The following PLCB1 variants were observed in gnomAD, a reference collection of about 807,000 sequenced individuals.
PLCB1 encodes phospholipase C beta 1.
Under a neutral mutation model 161.8 loss-of-function variants are expected in PLCB1, and 46 were observed. That is an observed-to-expected ratio of 0.28 (90% CI 0.22 to 0.36). PLCB1 has a LOEUF of 0.36. PLCB1 is among the 10% of genes least tolerant of loss of function. The probability of loss-of-function intolerance (pLI) is 1.00; values close to 1 mark genes in which losing one functional copy is unlikely to be tolerated. For missense variants in PLCB1, 1,016 were observed against 1,472.5 expected (o/e 0.69, Z 5.07); for synonymous variants, 517 against 503.7 (o/e 1.03, Z -0.35).
chr20:8,672,523 G>A (rs907414771), intron 9 of PLCB1, among the ~76,000 whole-genome samples: 1 of 151,768 alleles, frequency 6.6e-6, no homozygotes, highest in East Asian at 1.9e-4. Context: ...TAGCTCAGGA[G>A]CAGTTCCATG....
At chr20:8,594,715 G>T (rs1258993763) in intron 3 of PLCB1, among the ~76,000 whole-genome samples, 1 of 150,106 alleles carries the variant, frequency 6.7e-6, no homozygotes, top group African/African-American at 2.4e-5. Flanking sequence ...TTAAGACAAT[G>T]ACATCAATAT....
At chr20:8,583,074 A>G (rs1195075308) in intron 3 of PLCB1, among the ~76,000 whole-genome samples, 1 of 152,174 alleles carries the variant, frequency 6.6e-6, no homozygotes, top group East Asian at 1.9e-4. Flanking sequence ...TGAAGATATT[A>G]TGCTAAGTAA....
chr20:8,604,747 A>G (rs1987706045), intron 3 of PLCB1, among the ~76,000 whole-genome samples: 1 of 152,206 alleles, frequency 6.6e-6, no homozygotes, highest in African/African-American at 2.4e-5. Context: ...GGGCAATTCA[A>G]GAGGTCTATT....
At chr20:8,503,027 A>T (rs929158475) in intron 3 of PLCB1, among the ~76,000 whole-genome samples, 6 of 152,154 alleles carry the variant, frequency 3.9e-5, no homozygotes, top group African/African-American at 1.4e-4. Flanking sequence ...CTGACCAGCT[A>T]TGTGCAGGGA....
At chr20:8,530,276 G>A (rs974822092) in intron 3 of PLCB1, among the ~76,000 whole-genome samples, 1 of 151,930 alleles carries the variant, frequency 6.6e-6, no homozygotes, top group African/African-American at 2.4e-5. Context: ...ATTTTTAAAT[G>A]CCTAAATTGG....
In PLCB1 at chr20:8,800,358, T is replaced by C. The variant is rs1984226060; in HGVS notation, c.3423+10097T>C. Among the ~76,000 whole-genome samples, 3 of 152,242 alleles carry C rather than the reference T, an allele frequency of 2.0e-5. No individual in the cohort carries two copies. In the South Asian group the frequency reaches 6.2e-4, roughly 32 times the overall value. On this transcript the variant is annotated intron_variant, in intron 31 of 31. Coordinates refer to ENST00000338037, the MANE Select transcript of PLCB1 (RefSeq NM_015192.4). ...AGACACAAGTGTTCTGTGTTTATTA[T>C]AATCATTAGTTGAGGTTAATCTTTG...
chr20:8,456,771 G>A (rs1332786991), intron 3 of PLCB1, among the ~76,000 whole-genome samples: 1 of 152,148 alleles, frequency 6.6e-6, no homozygotes, highest in African/African-American at 2.4e-5. Context: ...TTGGTGTCTG[G>A]TGAGAGCCCA....
At chr20:8,858,825 G>C (rs1987152699) in intron 31 of PLCB1, among the ~76,000 whole-genome samples, 1 of 151,494 alleles carries the variant, frequency 6.6e-6, no homozygotes, top group South Asian at 2.1e-4. Context: ...GTTTTAAAAA[G>C]GGGTTCAGTA....
At chr20:8,582,490 A>G (rs1336187887) in intron 3 of PLCB1, among the ~76,000 whole-genome samples, 1 of 152,128 alleles carries the variant, frequency 6.6e-6, no homozygotes, top group Non-Finnish European at 1.5e-5. Context: ...AGCTGTAACT[A>G]CGTCCTTGCC....
chr20:8,328,172 T>C (rs1985229736), intron 2 of PLCB1, among the ~76,000 whole-genome samples: 1 of 152,092 alleles, frequency 6.6e-6, no homozygotes, highest in Non-Finnish European at 1.5e-5. Context: ...ACTCAAAAAG[T>C]TTAGGATTTT....
At chr20:8,852,949 T>G (rs1359916085) in intron 31 of PLCB1, among the ~76,000 whole-genome samples, 1 of 152,162 alleles carries the variant, frequency 6.6e-6, no homozygotes, top group Non-Finnish European at 1.5e-5. Flanking sequence ...CAGTTTACAG[T>G]GTGGCAGCCC....
intron 2 of PLCB1, among the ~76,000 whole-genome samples, chr20:8,211,432 A>G (rs967236997): frequency 6.6e-6 from 1 of 152,076 alleles, no homozygotes; most frequent in Non-Finnish European, 1.5e-5. Context: ...GCATAACACC[A>G]TTTTAGACCA....
chr20:8,823,622 G>A (rs1257119248), intron 31 of PLCB1, among the ~76,000 whole-genome samples: 2 of 152,168 alleles, frequency 1.3e-5, no homozygotes, highest in Admixed American at 1.3e-4. Flanking sequence ...TGACATACCT[G>A]TGGCCATTTT....
chr20:8,682,328 C>T (rs1329417157), intron 9 of PLCB1, among the ~76,000 whole-genome samples: 1 of 152,024 alleles, frequency 6.6e-6, no homozygotes, highest in Admixed American at 6.6e-5. Flanking sequence ...TAGGAAGACC[C>T]CTGTCTCTAC....
In PLCB1 at chr20:8,716,561, G is replaced by T. The variant is rs369769928; in HGVS notation, c.1335+213G>T. On this transcript the variant is annotated intron_variant, in intron 13 of 31. Coordinates refer to ENST00000338037, the MANE Select transcript of PLCB1 (RefSeq NM_015192.4). ...TCCTCTTCCCACACTCTTCTCTCTC[G>T]CTGGCTGCCTGATGAAACTCAATCA... Among the ~76,000 whole-genome samples, 183 of 152,242 alleles carry T rather than the reference G, an allele frequency of 1.2e-3. 1 individual carries two copies. In the Middle Eastern group the frequency reaches 0.041, roughly 34 times the overall value.
intron 7 of PLCB1, among the ~76,000 whole-genome samples, chr20:8,655,807 T>C (rs1265746287): frequency 1.3e-5 from 2 of 152,064 alleles, no homozygotes; most frequent in African/African-American, 4.8e-5. Context: ...AATATTTCTC[T>C]TCCTTGTGTC....
At chr20:8,824,423 T>C (rs547322187) in intron 31 of PLCB1, among the ~76,000 whole-genome samples, 12 of 152,210 alleles carry the variant, frequency 7.9e-5, no homozygotes, top group Admixed American at 2.0e-4. Flanking sequence ...TTTATTTTCA[T>C]TGGATGCTAG....
intron 3 of PLCB1, among the ~76,000 whole-genome samples, chr20:8,514,245 A>C (rs986684799): frequency 6.6e-6 from 1 of 151,512 alleles, no homozygotes; most frequent in East Asian, 2.0e-4. Context: ...TTCGAGACCA[A>C]CCTGGGCAAC....
intron 2 of PLCB1, among the ~76,000 whole-genome samples, chr20:8,359,738 A>G (rs2122294211): frequency 6.6e-6 from 1 of 152,306 alleles, no homozygotes; most frequent in Middle Eastern, 3.4e-3. Flanking sequence ...GAGAACCCCT[A>G]GTCTCGAATG....
Sources: allele counts gnomAD v4.1 joint callset (sites outside exome capture counted in the v4.1 genomes callset), GRCh38; gene constraint gnomAD v4.1.1; transcripts MANE v1.5; gene names NCBI Gene and HGNC (gene_info 2026-07-23, HGNC 2026-07-21).